Variants in SOX6 observed in about 807,000 individuals in gnomAD.
SOX6 encodes the protein transcription factor SOX-6.
In SOX6, 11 loss-of-function variants were observed where a neutral mutation model predicts 97.8. The ratio of observed to expected loss-of-function variants is 0.11; its 90% CI spans 0.07 to 0.19. The LOEUF is 0.19. Among genes scored for constraint, SOX6 ranks in the 10% least tolerant of loss-of-function variants. The pLI is 1.00. For missense variants in SOX6, 810 were observed against 1,039.5 expected (o/e 0.78, Z 3.04); for synonymous variants, 360 against 371.4 (o/e 0.97, Z 0.35).
intron 6 of SOX6, among the ~76,000 whole-genome samples, chr11:16,147,109 T>C (rs143296533): frequency 0.012 from 1,825 of 152,066 alleles, 34 homozygotes; most frequent in African/African-American, 0.042. Flanking sequence ...AACCCAAATG[T>C]CCAACAATCA....
Position 16,583,614 on chromosome 11 carries a change from C to CATATATATATATAT in SOX6, n.609+28453_609+28466dup, listed in dbSNP as rs534690651. ...ATATGTATATATGTGTATATATATACATATATATATATATATATATATACA... is the reference window on the plus strand; with the variant it reads ...ATATGTATATATGTGTATATATATACATATATATATATATATATATATATATATATATATATACA... On this transcript the variant is annotated intron_variant and non_coding_transcript_variant, in intron 4 of 5. Transcript: ENST00000524520. Among the ~76,000 whole-genome samples the CATATATATATATAT allele has an allele frequency of 4.2e-3, 441 of 104,126 alleles. 1 individual carries two copies. Among genetic ancestry groups the CATATATATATATAT allele is most frequent in the African/African-American group, 0.013 (381 of 30,370 alleles). The allele number at this position is 104,126 out of a possible 152,430, so 68.3% of individuals were successfully genotyped here.
chr11:16,375,762 T>C (rs891584341), intron 1 of SOX6, among the ~76,000 whole-genome samples: 1 of 152,090 alleles, frequency 6.6e-6, no homozygotes. Context: ...CTATTCACAA[T>C]AGCAGACTTG....
At chr11:16,222,102 C>G (rs751206140) in intron 4 of SOX6, among the ~76,000 whole-genome samples, 6 of 152,108 alleles carry the variant, frequency 3.9e-5, no homozygotes, top group African/African-American at 9.7e-5. Context: ...AAAAATTTAT[C>G]AAAGCCGACT....
intron 9 of SOX6, among the ~76,000 whole-genome samples, chr11:16,079,422 G>A (rs890762811): frequency 6.6e-6 from 1 of 152,112 alleles, no homozygotes; most frequent in Non-Finnish European, 1.5e-5. Context: ...AAATGAACAT[G>A]CTTATTATAT....
chr11:16,645,780 C>T (rs1274671808), intron 3 of SOX6, among the ~76,000 whole-genome samples: 3 of 152,080 alleles, frequency 2.0e-5, no homozygotes, highest in Admixed American at 6.6e-5. Context: ...GGAGACTGGC[C>T]CTCTAACACC....
chr11:16,094,745 C>T (rs982477847), intron 9 of SOX6, among the ~76,000 whole-genome samples: 3 of 151,860 alleles, frequency 2.0e-5, no homozygotes, highest in Non-Finnish European at 4.4e-5. Flanking sequence ...GAAATTTCTT[C>T]TGTCTGTATA....
At chr11:16,467,099 T>G (rs1860054446) in intron 1 of SOX6, among the ~76,000 whole-genome samples, 1 of 152,172 alleles carries the variant, frequency 6.6e-6, no homozygotes, top group African/African-American at 2.4e-5. Context: ...TACCATCTTA[T>G]ATCAGTAAGA....
upstream of SOX6, among the ~76,000 whole-genome samples, chr11:16,360,178 G>A (rs963312720): frequency 6.6e-5 from 10 of 152,128 alleles, no homozygotes; most frequent in African/African-American, 2.2e-4. Flanking sequence ...AGAAGAGAAG[G>A]GAGACTGAGT....
At chr11:16,132,385 AGAAAGAAAGAAAGAAAAAAGAAAGAAAG>A (rs1564972164) in intron 6 of SOX6, among the ~76,000 whole-genome samples, 1 of 96,442 alleles carries the variant, frequency 1.0e-5, no homozygotes, top group Non-Finnish European at 1.9e-5. Flanking sequence ...AAAGAAAGAA[AGAAAGAAAGAAAGAAAAAAGAAAGAAAG>A]AAAGAAAGAA....
At chr11:16,106,765 C>G (rs1247258636) in intron 7 of SOX6, among the ~76,000 whole-genome samples, 1 of 151,920 alleles carries the variant, frequency 6.6e-6, no homozygotes, top group East Asian at 1.9e-4. Flanking sequence ...AAATTAAGAA[C>G]TTTAGTGTAT....
chr11:16,533,003 G>A (rs1354267306), intron 4 of SOX6, among the ~76,000 whole-genome samples: 1 of 151,846 alleles, frequency 6.6e-6, no homozygotes, highest in Non-Finnish European at 1.5e-5. Context: ...TCAGCATAAT[G>A]CAAGTATAAT....
chr11:16,666,837 A>T (rs1038184898), intron 3 of SOX6, among the ~76,000 whole-genome samples: 2 of 152,158 alleles, frequency 1.3e-5, no homozygotes, highest in Non-Finnish European at 2.9e-5. Context: ...ACAAAAGAAT[A>T]AAAAATAAGC....
chr11:16,557,936 A>G (rs1280695199), intron 4 of SOX6, among the ~76,000 whole-genome samples: 1 of 151,988 alleles, frequency 6.6e-6, no homozygotes, highest in South Asian at 2.1e-4. Context: ...GATTAGCTCA[A>G]TTTTACTAAA....
chr11:16,569,182 A>C (rs1847910448), intron 4 of SOX6, among the ~76,000 whole-genome samples: 3 of 152,186 alleles, frequency 2.0e-5, no homozygotes, highest in Admixed American at 2.0e-4. Flanking sequence ...CTTTTGCAAA[A>C]TTCTTTTAAA....
intron 3 of SOX6, among the ~76,000 whole-genome samples, chr11:16,295,005 T>C (rs1307159028): frequency 6.6e-6 from 1 of 152,084 alleles, no homozygotes; most frequent in Non-Finnish European, 1.5e-5. Flanking sequence ...TTAAAATCTA[T>C]TCCCAATCAA....
intron 1 of SOX6, among the ~76,000 whole-genome samples, chr11:16,365,085 T>A (rs915181191): frequency 6.6e-6 from 1 of 152,160 alleles, no homozygotes; most frequent in Non-Finnish European, 1.5e-5. Context: ...CACATAATTT[T>A]TATTATAGTA....
intron 4 of SOX6, among the ~76,000 whole-genome samples, chr11:16,220,827 T>A (rs544453229): frequency 6.6e-6 from 1 of 152,174 alleles, no homozygotes; most frequent in Admixed American, 6.5e-5. Flanking sequence ...AATAAACAGA[T>A]CAATTTATAC....
intron 15 of SOX6, among the ~76,000 whole-genome samples, chr11:15,982,968 T>C (rs1853713686): frequency 6.6e-6 from 1 of 151,932 alleles, no homozygotes; most frequent in South Asian, 2.1e-4. Flanking sequence ...TCTACATTAA[T>C]AGTAGAGGGA....
At chr11:16,725,079 T>C (rs535665548) in intron 2 of SOX6, among the ~76,000 whole-genome samples, 30 of 152,324 alleles carry the variant, frequency 2.0e-4, no homozygotes, top group African/African-American at 6.5e-4. Context: ...CATTGCAGCA[T>C]TATTCATAAT....
Sources: gnomAD v4.1 joint callset for allele counts (sites outside exome capture counted in the v4.1 genomes callset) on GRCh38, gnomAD v4.1.1 for gene constraint, MANE v1.5 for transcripts, NCBI Gene and HGNC (gene_info 2026-07-23, HGNC 2026-07-21) for gene names.